The following WDR59 variants were observed in gnomAD, a reference collection of about 807,000 sequenced individuals.
WDR59 encodes the protein WD repeat domain 59, also known as GATOR2 complex protein WDR59.
Under a neutral mutation model 131.2 loss-of-function variants are expected in WDR59, and 100 were observed. The observed-to-expected ratio is 0.76, with a 90% CI of 0.65 to 0.90. WDR59 has a LOEUF of 0.90. Among genes scored for constraint, WDR59 ranks in the 40% least tolerant of loss-of-function variants. The pLI is 0.00. For synonymous variants in WDR59, 601 were observed against 466.2 expected (o/e 1.29, Z -3.72); for missense variants, 1,203 against 1,262.2 (o/e 0.95, Z 0.71).
chr16:74,916,110 T>G lies in WDR59; in HGVS notation c.1099+17A>C, dbSNP rs746579913. On this transcript the variant is annotated intron_variant, in intron 12 of 25. Coordinates refer to ENST00000262144, the MANE Select transcript of WDR59 (RefSeq NM_030581.4). ...GTAGAGTGGCACCTTACCTGAGACA[T>G]CAGTTTGACAAATTACCTTCTTCCT... The G allele has an allele frequency of 6.2e-7, 1 of 1,614,078 alleles. No individual in the cohort carries two copies. The highest frequency in any genetic ancestry group is 8.5e-7 in the Non-Finnish European group (1 of 1,180,028).
chr16:74,910,688 C>T (rs1040130313), intron 14 of WDR59, among the ~76,000 whole-genome samples: 1 of 152,180 alleles, frequency 6.6e-6, no homozygotes, highest in Non-Finnish European at 1.5e-5. Context: ...ACACTTTAAA[C>T]CCATTTATGC....
intron 18 of WDR59, among the ~76,000 whole-genome samples, chr16:74,902,583 A>C (rs1965606670): frequency 6.6e-6 from 1 of 152,106 alleles, no homozygotes; most frequent in African/African-American, 2.4e-5. Context: ...ATCTGAACCC[A>C]AGCATGGGTG....
At chr16:74,978,648 G>C (rs944796294) in intron 1 of WDR59, among the ~76,000 whole-genome samples, 6 of 152,202 alleles carry the variant, frequency 3.9e-5, no homozygotes, top group African/African-American at 1.4e-4. Flanking sequence ...ACTGTTTGGA[G>C]TGATGGAAAC....
At chr16:74,966,559 A>C (rs971968811) in intron 1 of WDR59, among the ~76,000 whole-genome samples, 2 of 152,156 alleles carry the variant, frequency 1.3e-5, no homozygotes, top group African/African-American at 4.8e-5. Flanking sequence ...CAGAGAAAAC[A>C]GCAGCTACTA....
intron 25 of WDR59, among the ~76,000 whole-genome samples, chr16:74,875,550 A>T (rs1964174060): frequency 6.6e-6 from 1 of 152,006 alleles, no homozygotes; most frequent in Non-Finnish European, 1.5e-5. Context: ...ATGATCCTGG[A>T]GGTCTCCCAA....
At chr16:74,973,885 A>C (rs2034083586) in intron 1 of WDR59, among the ~76,000 whole-genome samples, 1 of 151,146 alleles carries the variant, frequency 6.6e-6, no homozygotes, top group African/African-American at 2.4e-5. Context: ...AAACACAAAA[A>C]TTGGCCAGGC....
intron 17 of WDR59, among the ~76,000 whole-genome samples, chr16:74,906,300 C>G (rs973141703): frequency 9.1e-5 from 1 of 10,966 alleles, no homozygotes; most frequent in Non-Finnish European, 1.6e-4. Context: ...AGCGACAGAG[C>G]AAGACTCCGT....
intron 1 of WDR59, among the ~76,000 whole-genome samples, chr16:74,982,094 T>TA (rs1050685182): frequency 2.4e-4 from 35 of 143,816 alleles, no homozygotes; most frequent in South Asian, 8.8e-4. Context: ...TATCCCTATT[T>TA]AAAAAAAAAA....
chr16:74,921,843 C>T (rs1398108232), intron 10 of WDR59, 104 bp downstream of exon 10: 3 of 1,412,470 alleles, frequency 2.1e-6, no homozygotes, highest in Non-Finnish European at 2.8e-6. Flanking sequence ...TCCTAAAGCC[C>T]AGCTCTCTCT....
intron 6 of WDR59, among the ~76,000 whole-genome samples, chr16:74,943,316 C>T (rs938452260): frequency 6.6e-6 from 1 of 151,936 alleles, no homozygotes; most frequent in Non-Finnish European, 1.5e-5. Flanking sequence ...ACAGAATAAG[C>T]CCCGATGTTG....
chr16:74,946,551 G>A (rs7191975), intron 6 of WDR59, among the ~76,000 whole-genome samples: 4 of 152,058 alleles, frequency 2.6e-5, no homozygotes, highest in South Asian at 2.1e-4. Flanking sequence ...GTAAAACCCT[G>A]TCTCTACTAA....
rs1200049357 is a variant in WDR59 at position 74,886,485 on chromosome 16, T to A, written c.2420-89A>T. On this transcript the variant is annotated intron_variant, in intron 23 of 25. Coordinates refer to ENST00000262144, the MANE Select transcript of WDR59 (RefSeq NM_030581.4). ...GTCTCATAAGACAGCACGTGGCCAA[T>A]GGATTTCCCAGAAGAAATGTTAAGC... is the stretch of plus-strand genomic sequence containing the variant. 8 of 1,490,442 alleles carry A rather than the reference T, an allele frequency of 5.4e-6. No homozygotes were observed. The South Asian group carries it at 9.1e-5, about 17-fold the overall frequency. The allele number at this position is 1,490,442 out of a possible 1,614,324, so 92.3% of individuals were successfully genotyped here.
intron 4 of WDR59, 93 bp downstream of exon 4, chr16:74,951,365 C>G (rs1401529629): frequency 4.0e-6 from 5 of 1,259,368 alleles, no homozygotes; most frequent in South Asian, 1.3e-5. Context: ...CACAGACAGT[C>G]AAGCCATGCA....
chr16:74,959,878 A>C (rs375547028), intron 2 of WDR59, among the ~76,000 whole-genome samples: 48 of 151,880 alleles, frequency 3.2e-4, no homozygotes, highest in African/African-American at 1.1e-3. Flanking sequence ...AATTCAAAGG[A>C]AACGGCGATA....
intron 1 of WDR59, among the ~76,000 whole-genome samples, chr16:74,974,648 G>T (rs538172516): frequency 3.9e-4 from 59 of 152,176 alleles, no homozygotes; most frequent in Non-Finnish European, 7.6e-4. Flanking sequence ...TGCCTCAACT[G>T]TATGTACAAA....
intron 2 of WDR59, 59 bp from the exon 3 acceptor site, chr16:74,956,669 T>C (rs967665851): frequency 3.8e-6 from 6 of 1,578,210 alleles, no homozygotes; most frequent in South Asian, 3.5e-5. Flanking sequence ...AGCATTAAGA[T>C]AGAAAAGCAC....
intron 8 of WDR59, among the ~76,000 whole-genome samples, chr16:74,932,554 T>C (rs577991946): frequency 6.7e-4 from 102 of 152,200 alleles, no homozygotes; most frequent in Non-Finnish European, 1.2e-3. Context: ...AGTGGTGTGA[T>C]CACAGCTCAC....
chr16:74,897,550 T>G (rs921184986), intron 18 of WDR59, among the ~76,000 whole-genome samples: 1 of 152,228 alleles, frequency 6.6e-6, no homozygotes, highest in Admixed American at 6.5e-5. Context: ...CTGGGACTTC[T>G]TGAGACACCA....
intron 5 of WDR59, among the ~76,000 whole-genome samples, chr16:74,949,370 GAGGAAGGAAGGAAAGAC>G (rs2032852394): frequency 7.1e-6 from 1 of 140,108 alleles, no homozygotes; most frequent in Admixed American, 7.5e-5. Context: ...GAAAGAAAGA[GAGGAAGGAAGGAAAGAC>G]AGGAAGGAAG....
Sources: allele counts gnomAD v4.1 joint callset (sites outside exome capture counted in the v4.1 genomes callset), GRCh38; gene constraint gnomAD v4.1.1; transcripts MANE v1.5; gene names NCBI Gene and HGNC (gene_info 2026-07-23, HGNC 2026-07-21).